DACH2: variants seen among roughly 807,000 people sequenced by gnomAD.
DACH2 encodes dachshund homolog 2.
A neutral mutation model predicts 35.8 loss-of-function variants in DACH2; 17 were observed. That is an observed-to-expected ratio of 0.48 (90% CI 0.33 to 0.71). The LOEUF is 0.71. Among genes scored for constraint, DACH2 ranks in the 30% least tolerant of loss-of-function variants. The pLI is 0.02. For synonymous variants in DACH2, 195 were observed against 177.3 expected, an observed-to-expected ratio of 1.10 and a Z score of -0.79; for missense variants, 469 against 472.7, an observed-to-expected ratio of 0.99 and a Z score of 0.07.
rs891822165 is a variant in DACH2, at chrX:86,624,005, G to A, written c.641-27031G>A. Among the ~76,000 whole-genome samples, 17 of 79,606 alleles carry A rather than the reference G, an allele frequency of 2.1e-4. 1 individual carries two copies. Among genetic ancestry groups the A allele is most frequent in the South Asian group, 7.0e-4 (1 of 1,438 alleles). The allele number at this position is 79,606 out of a possible 115,157, so 69.1% of individuals were successfully genotyped here. A position where few individuals can be genotyped will look rare whatever the true frequency, so the allele number is the denominator to read the frequency against. ...GGAGCTTGCAGTGAGTCGAGATCGC[G>A]CCACTGCACTCCAGCCTGGGCGACA... On this transcript the variant is annotated intron_variant, in intron 3 of 11. Coordinates refer to ENST00000373125, the MANE Select transcript of DACH2 (RefSeq NM_053281.3).
chrX:86,672,930 C>T (rs747667846), intron 4 of DACH2, among the ~76,000 whole-genome samples: 1 of 111,790 alleles, frequency 8.9e-6, no homozygotes, highest in South Asian at 3.7e-4. Flanking sequence ...CCAGCCTGTG[C>T]AAGTAACCAA....
chrX:86,557,155 C>A (rs73245352), intron 3 of DACH2, among the ~76,000 whole-genome samples: 1,619 of 110,732 alleles, frequency 0.015, 9 homozygotes, highest in Middle Eastern at 0.042. Flanking sequence ...TCTTGGCCCT[C>A]AGAGGATGGG....
At chrX:86,183,660 G>T (rs1026163008) in intron 1 of DACH2, among the ~76,000 whole-genome samples, 3 of 111,559 alleles carry the variant, frequency 2.7e-5, no homozygotes, top group Admixed American at 9.6e-5. Flanking sequence ...TCTCTGCCGG[G>T]TTTTGGTATC....
chrX:86,336,760 G>C (rs1026117776), intron 1 of DACH2, among the ~76,000 whole-genome samples: 3 of 110,159 alleles, frequency 2.7e-5, no homozygotes, highest in African/African-American at 9.9e-5. Context: ...TCAGAAGGTG[G>C]ATAATAATAA....
intron 3 of DACH2, among the ~76,000 whole-genome samples, chrX:86,533,146 C>T (rs1257222574): frequency 3.6e-5 from 4 of 111,011 alleles, no homozygotes; most frequent in Non-Finnish European, 7.5e-5. Context: ...AACTCCTAGA[C>T]TCAAGTGACT....
At chrX:86,479,311 A>T (rs755537765) in intron 2 of DACH2, among the ~76,000 whole-genome samples, 2 of 110,633 alleles carry the variant, frequency 1.8e-5, no homozygotes, top group African/African-American at 6.6e-5. Flanking sequence ...TTTGGGCGTG[A>T]AAACAGGAGT....
chrX:86,472,532 A>G (rs756686330), intron 2 of DACH2, among the ~76,000 whole-genome samples: 12 of 112,028 alleles, frequency 1.1e-4, no homozygotes, highest in Admixed American at 4.8e-4. Flanking sequence ...AAGTCCTCTA[A>G]GATAAAAATG....
At chrX:86,426,126 C>T (rs960075013) in intron 2 of DACH2, among the ~76,000 whole-genome samples, 1 of 111,535 alleles carries the variant, frequency 9.0e-6, no homozygotes, top group Non-Finnish European at 1.9e-5. Flanking sequence ...TGGAGCTGCT[C>T]TTTCCTCTTC....
At chrX:86,563,074 A>C (rs764144701) in intron 3 of DACH2, among the ~76,000 whole-genome samples, 1 of 110,706 alleles carries the variant, frequency 9.0e-6, no homozygotes, top group Admixed American at 9.7e-5. Flanking sequence ...TTTCTTAAGA[A>C]AGGAGTGAGG....
At chrX:86,404,173 C>A (rs1229271991) in intron 2 of DACH2, among the ~76,000 whole-genome samples, 1 of 110,440 alleles carries the variant, frequency 9.1e-6, no homozygotes, top group Non-Finnish European at 1.9e-5. Context: ...CCACCCCTGG[C>A]CCCTCCCAAA....
chrX:86,793,834 A>C (rs1284175906), intron 7 of DACH2, among the ~76,000 whole-genome samples: 1 of 112,210 alleles, frequency 8.9e-6, no homozygotes, highest in Admixed American at 9.5e-5. Context: ...TGCTGAAGTG[A>C]AAATGTATTT....
intron 1 of DACH2, among the ~76,000 whole-genome samples, chrX:86,158,269 G>C (rs911545206): frequency 3.6e-5 from 4 of 111,082 alleles, no homozygotes; most frequent in Middle Eastern, 4.2e-3. Flanking sequence ...GAGGACATAA[G>C]TTAGACGTCA....
chrX:86,465,573 G>T (rs771985389), intron 2 of DACH2, among the ~76,000 whole-genome samples: 2 of 111,706 alleles, frequency 1.8e-5, no homozygotes, highest in African/African-American at 6.5e-5. Context: ...GATGACTCAG[G>T]TCTTCAATGT....
At chrX:86,318,811 A>G (rs2034962945) in intron 1 of DACH2, among the ~76,000 whole-genome samples, 3 of 111,607 alleles carry the variant, frequency 2.7e-5, no homozygotes, top group African/African-American at 6.5e-5. Flanking sequence ...CCTGTTAAAG[A>G]TGTTCAAAAT....
intron 11 of DACH2, among the ~76,000 whole-genome samples, chrX:86,821,864 A>G (rs2042516162): frequency 8.9e-6 from 1 of 112,101 alleles, no homozygotes; most frequent in Non-Finnish European, 1.9e-5. Context: ...TTGCAGTGAT[A>G]GCAAATAGTG....
At chrX:86,195,532 G>A (rs1185541823) in intron 1 of DACH2, among the ~76,000 whole-genome samples, 4 of 111,511 alleles carry the variant, frequency 3.6e-5, no homozygotes, top group Admixed American at 2.8e-4. Flanking sequence ...TGTAGTGAAT[G>A]TCTGCACGGA....
intron 11 of DACH2, among the ~76,000 whole-genome samples, chrX:86,823,324 T>C (rs1205647419): frequency 8.9e-6 from 1 of 112,421 alleles, no homozygotes; most frequent in Admixed American, 9.5e-5. Context: ...TCATTTATAA[T>C]AGACATGTAA....
chrX:86,596,989 C>T (rs1160322372), intron 3 of DACH2, among the ~76,000 whole-genome samples: 1 of 111,194 alleles, frequency 9.0e-6, no homozygotes, highest in African/African-American at 3.3e-5. Flanking sequence ...TTTCATTGAT[C>T]TACATGTCTA....
At chrX:86,376,124 G>T (rs987901810) in intron 1 of DACH2, among the ~76,000 whole-genome samples, 9 of 102,942 alleles carry the variant, frequency 8.7e-5, no homozygotes, top group African/African-American at 3.2e-4. Flanking sequence ...CTTTTGTGTG[G>T]ATGTATGTAT....
Sources: allele counts gnomAD v4.1 joint callset (sites outside exome capture counted in the v4.1 genomes callset), GRCh38; gene constraint gnomAD v4.1.1; transcripts MANE v1.5; gene names NCBI Gene and HGNC (gene_info 2026-07-23, HGNC 2026-07-21).